The following PNOC variants were observed in gnomAD, a reference collection of about 807,000 sequenced individuals.
PNOC encodes prepronociceptin.
PNOC carries 10 observed loss-of-function variants against 15.6 expected under a neutral mutation model. The observed-to-expected ratio is 0.64, with a 90% CI of 0.40 to 1.09. PNOC has a LOEUF of 1.09. PNOC is among the 50% of genes least tolerant of loss of function. The probability of loss-of-function intolerance (pLI) is 0.01; values close to 1 mark genes in which losing one functional copy is unlikely to be tolerated. For missense variants in PNOC, 220 were observed against 223.9 expected, an observed-to-expected ratio of 0.98 and a Z score of 0.11; for synonymous variants, 98 against 88.5, an observed-to-expected ratio of 1.11 and a Z score of -0.60.
At chr8:28,320,915 C>T (rs958140904) in intron 1 of PNOC, among the ~76,000 whole-genome samples, 6 of 151,328 alleles carry the variant, frequency 4.0e-5, no homozygotes, top group East Asian at 1.9e-4. Flanking sequence ...TGCTGTTTCT[C>T]TGTGTTTTCC....
intron 2 of PNOC, among the ~76,000 whole-genome samples, chr8:28,336,436 AG>A (rs751535602): frequency 2.0e-5 from 3 of 152,152 alleles, no homozygotes; most frequent in Admixed American, 6.5e-5. Flanking sequence ...TGGGTCCCAA[AG>A]GATGGATGGA....
chr8:28,318,858 G>A (rs774853121), intron 1 of PNOC, among the ~76,000 whole-genome samples: 2 of 152,222 alleles, frequency 1.3e-5, no homozygotes, highest in Non-Finnish European at 2.9e-5. Context: ...GAGTACTTAC[G>A]GATTTGTAAA....
At chr8:28,325,913 AG>A in intron 1 of PNOC, among the ~76,000 whole-genome samples, 1 of 152,312 alleles carries the variant, frequency 6.6e-6, no homozygotes, top group Non-Finnish European at 1.5e-5. Context: ...ACTAATTAGG[AG>A]GCTATTACAA....
At position 28,334,438 on chromosome 8, in the gene PNOC, T is replaced by A. The variant is rs866228030; in HGVS notation, c.127-4602T>A. ...CAAATTTCTGGGCCCCACCCTTGAC[T>A]TAGTGGATCAGAATCTCCAATGCTT... On this transcript the variant is annotated intron_variant, in intron 2 of 3. Coordinates refer to ENST00000301908, the MANE Select transcript of PNOC (RefSeq NM_006228.5). Among the ~76,000 whole-genome samples the A allele has an allele frequency of 5.9e-5, 9 of 152,294 alleles. No homozygotes were observed. The South Asian group carries it at 1.9e-3, about 32-fold the overall frequency.
chr8:28,330,100 C>A (rs760277115), intron 2 of PNOC, among the ~76,000 whole-genome samples: 1 of 152,054 alleles, frequency 6.6e-6, no homozygotes, highest in South Asian at 2.1e-4. Flanking sequence ...ACGCCCACCA[C>A]CACGCCCCGC....
At chr8:28,337,670 C>T (rs1282417083) in intron 2 of PNOC, among the ~76,000 whole-genome samples, 4 of 151,472 alleles carry the variant, frequency 2.6e-5, no homozygotes, top group African/African-American at 9.7e-5. Flanking sequence ...GCAAGCTCCG[C>T]CTCCCGGGTT....
chr8:28,337,923 T>C (rs1333607327), intron 2 of PNOC, among the ~76,000 whole-genome samples: 1 of 152,190 alleles, frequency 6.6e-6, no homozygotes, highest in Non-Finnish European at 1.5e-5. Context: ...CAGCTACTTA[T>C]GGCTCCAAGG....
intron 2 of PNOC, among the ~76,000 whole-genome samples, chr8:28,330,396 A>ATTTTTTTTTTTTTTTTTTTTTTTTTTTT (rs67554549): frequency 2.5e-5 from 2 of 80,418 alleles, no homozygotes; most frequent in Non-Finnish European, 5.3e-5. Context: ...ATTTTATTTT[A>ATTTTTTTTTTTTTTTTTTTTTTTTTTTT]TTTTTTTTTT....
chr8:28,339,557 T>C lies in PNOC; in HGVS notation c.*47+66T>C, dbSNP rs1801479357. On this transcript the variant is annotated intron_variant, in intron 3 of 3. Coordinates refer to ENST00000301908, the MANE Select transcript of PNOC (RefSeq NM_006228.5). ...CACACACCAACTGTCTTAGCCTTGCTCCCAGGCCTAGAAGCACATTCATCT... is the reference window on the plus strand; with the variant it reads ...CACACACCAACTGTCTTAGCCTTGCCCCCAGGCCTAGAAGCACATTCATCT... 3 of 1,286,076 alleles carry C rather than the reference T, an allele frequency of 2.3e-6. No homozygotes were observed. In the African/African-American group the frequency reaches 4.4e-5, roughly 19 times the overall value. The allele number at this position is 1,286,076 out of a possible 1,614,324, so 79.7% of individuals were successfully genotyped here.
intron 1 of PNOC, among the ~76,000 whole-genome samples, chr8:28,325,544 C>T (rs908608629): frequency 1.3e-5 from 2 of 150,730 alleles, no homozygotes; most frequent in Admixed American, 1.3e-4. Flanking sequence ...TCTTGCTACT[C>T]AGGAGGCTGA....
At chr8:28,331,376 G>A (rs1801327401) in intron 2 of PNOC, among the ~76,000 whole-genome samples, 1 of 151,886 alleles carries the variant, frequency 6.6e-6, no homozygotes, top group African/African-American at 2.4e-5. Context: ...CCCTCTCTCG[G>A]TCCATGTGCC....
At position 28,339,353 on chromosome 8, in the gene PNOC, A is replaced by T. The variant is rs1801473365; in HGVS notation, c.440A>T (p.Lys147Met). 2 of 1,610,148 alleles carry T rather than the reference A, an allele frequency of 1.2e-6. No individual in the cohort carries two copies. The change falls in exon 3 of 4, where the codon AAG (lysine) becomes ATG (methionine). Residue 147 changes from lysine to methionine, a missense_variant. Physicochemically the swap from Lys to Met is moderately conservative, Grantham distance 95. Coordinates refer to ENST00000301908, the MANE Select transcript of PNOC (RefSeq NM_006228.5). ...RKSARKLANQ[K>M]RFSEFMRQYL... is the part of the protein sequence containing the mutation. ...TCGGCCAGGAAGTTGGCCAATCAGA[A>T]GCGGTTCAGTGAGTTTATGAGGCAA...
intron 1 of PNOC, among the ~76,000 whole-genome samples, chr8:28,318,153 CCTCTCTTTGTGCAT>C (rs1239979773): frequency 6.6e-6 from 1 of 152,154 alleles, no homozygotes; most frequent in Non-Finnish European, 1.5e-5. Context: ...CTTTCTTCCT[CCTCTCTTTGTGCAT>C]CTCTCTCCCT....
chr8:28,336,813 G>A (rs545311172), intron 2 of PNOC, among the ~76,000 whole-genome samples: 6 of 152,086 alleles, frequency 3.9e-5, no homozygotes, highest in East Asian at 1.9e-4. Flanking sequence ...GCACTTAGGC[G>A]GTGGTAGAGG....
intron 1 of PNOC, among the ~76,000 whole-genome samples, chr8:28,320,010 T>C (rs1360073689): frequency 6.6e-6 from 1 of 151,710 alleles, no homozygotes; most frequent in Non-Finnish European, 1.5e-5. Flanking sequence ...GGCATCTCCC[T>C]GGATAGGCTA....
At chr8:28,336,926 G>A (rs959731001) in intron 2 of PNOC, among the ~76,000 whole-genome samples, 3 of 151,894 alleles carry the variant, frequency 2.0e-5, no homozygotes, top group Non-Finnish European at 2.9e-5. Flanking sequence ...TGGGGAGTGA[G>A]GTGCCACTCA....
intron 1 of PNOC, among the ~76,000 whole-genome samples, chr8:28,327,410 T>A (rs1455934891): frequency 6.6e-6 from 1 of 152,226 alleles, no homozygotes; most frequent in Non-Finnish European, 1.5e-5. Context: ...TTGTTCGGTT[T>A]TAAATAGCAA....
At chr8:28,321,231 G>GTTTT (rs1356162146) in intron 1 of PNOC, among the ~76,000 whole-genome samples, 1 of 102,634 alleles carries the variant, frequency 9.7e-6, no homozygotes, top group Non-Finnish European at 1.9e-5. Context: ...TTTTTTTGTA[G>GTTTT]AGATAGGTGT....
At chr8:28,321,308 G>C (rs1040165352) in intron 1 of PNOC, among the ~76,000 whole-genome samples, 2 of 148,460 alleles carry the variant, frequency 1.3e-5, no homozygotes, top group Non-Finnish European at 1.5e-5. Context: ...TGGGATTGCA[G>C]TTGCATGCCA....
Sources: allele counts gnomAD v4.1 joint callset (sites outside exome capture counted in the v4.1 genomes callset), GRCh38; gene constraint gnomAD v4.1.1; transcripts MANE v1.5; gene names NCBI Gene and HGNC (gene_info 2026-07-23, HGNC 2026-07-21).